BLTP3B: variants seen among roughly 807,000 people sequenced by gnomAD.
The protein encoded by BLTP3B is bridge-like lipid transfer protein family member 3B.
At chr12:100,078,042 T>C in the BLTP3B span, among the ~76,000 whole-genome samples, 1 of 152,270 alleles carries the variant, frequency 6.6e-6, no homozygotes, top group South Asian at 2.1e-4. Flanking sequence ...GAATTTCCTA[T>C]TTATGGTTGG....
chr12:100,093,940 T>G, the BLTP3B span, among the ~76,000 whole-genome samples: 21 of 152,192 alleles, frequency 1.4e-4, no homozygotes, highest in African/African-American at 5.1e-4. Context: ...TATGTCTGCC[T>G]GTGAACTGCT....
At chr12:100,124,974 A>ATATATATT in the BLTP3B span, among the ~76,000 whole-genome samples, 299 of 100,154 alleles carry the variant, frequency 3.0e-3, 1 homozygote, top group African/African-American at 0.014. Context: ...ATATATATAT[A>ATATATATT]TATATTTATA....
chr12:100,101,825 ACAGAGTCTCT>A, the BLTP3B span, among the ~76,000 whole-genome samples: 1 of 152,164 alleles, frequency 6.6e-6, no homozygotes, highest in Non-Finnish European at 1.5e-5. Flanking sequence ...TGTTTTTGAG[ACAGAGTCTCT>A]CTCCATCACC....
chr12:100,060,916 C>T, the BLTP3B span, among the ~76,000 whole-genome samples: 1 of 152,124 alleles, frequency 6.6e-6, no homozygotes, highest in South Asian at 2.1e-4. Flanking sequence ...AACACTGTAA[C>T]AATGTCCTGA....
the BLTP3B span, among the ~76,000 whole-genome samples, chr12:100,088,705 C>A: frequency 5.3e-4 from 80 of 152,196 alleles, 1 homozygote; most frequent in Non-Finnish European, 9.6e-4. Flanking sequence ...TGATAGCTAA[C>A]AAATAATTAA....
At chr12:100,122,455 T>C in the BLTP3B span, among the ~76,000 whole-genome samples, 4 of 152,334 alleles carry the variant, frequency 2.6e-5, no homozygotes, top group South Asian at 8.3e-4. Context: ...CATTCCATTA[T>C]CATACTGATA....
At chr12:100,104,070 T>G in the BLTP3B span, 1 of 604,212 alleles carries the variant, frequency 1.7e-6, no homozygotes, top group Non-Finnish European at 2.6e-6. Context: ...TAAAATCACT[T>G]TTCTTAAACT....
chr12:100,047,962 T>C, the BLTP3B span: 1 of 1,508,044 alleles, frequency 6.6e-7, no homozygotes, highest in East Asian at 2.4e-5. Context: ...TATTTTCGTG[T>C]TAGAAACTTG....
the BLTP3B span, chr12:100,059,709 G>A: frequency 1.8e-6 from 2 of 1,099,348 alleles, no homozygotes; most frequent in Non-Finnish European, 2.5e-6. Context: ...TTGAGTAAAG[G>A]GGACTTACAT....
At chr12:100,078,561 G>A in the BLTP3B span, among the ~76,000 whole-genome samples, 22 of 152,258 alleles carry the variant, frequency 1.4e-4, no homozygotes, top group East Asian at 4.2e-3. Context: ...GAGGGTGGGG[G>A]CTTTGGGTAA....
the BLTP3B span, among the ~76,000 whole-genome samples, chr12:100,092,568 C>A: frequency 6.6e-6 from 1 of 152,144 alleles, no homozygotes; most frequent in East Asian, 1.9e-4. Context: ...GAAAATACCT[C>A]AAAATGGTAG....
chr12:100,136,662 T>G, the BLTP3B span, among the ~76,000 whole-genome samples: 26 of 152,350 alleles, frequency 1.7e-4, no homozygotes, highest in East Asian at 3.7e-3. Flanking sequence ...GCAGACTAAA[T>G]AAGCTACACT....
At chr12:100,038,853 A>G in the BLTP3B span, among the ~76,000 whole-genome samples, 1 of 152,230 alleles carries the variant, frequency 6.6e-6, no homozygotes, top group Non-Finnish European at 1.5e-5. Flanking sequence ...TTAATTTCAA[A>G]TAGTTCTCAA....
At chr12:100,058,567 CCCCATTTT>C in the BLTP3B span, 1 of 1,612,464 alleles carries the variant, frequency 6.2e-7, no homozygotes, top group Non-Finnish European at 8.5e-7. Context: ...GACAAAAAAT[CCCCATTTT>C]CTGTAGGCAA....
At chr12:100,069,235 G>C in the BLTP3B span, among the ~76,000 whole-genome samples, 1 of 151,964 alleles carries the variant, frequency 6.6e-6, no homozygotes, top group Non-Finnish European at 1.5e-5. Context: ...GGCACTAAAA[G>C]TAGAACTACC....
At chr12:100,132,039 G>A in the BLTP3B span, among the ~76,000 whole-genome samples, 5 of 152,106 alleles carry the variant, frequency 3.3e-5, no homozygotes, top group African/African-American at 4.8e-5. Context: ...TGATCTACCC[G>A]CCTTGGCCTC....
At chr12:100,106,755 TA>T in the BLTP3B span, among the ~76,000 whole-genome samples, 5 of 151,772 alleles carry the variant, frequency 3.3e-5, no homozygotes, top group Non-Finnish European at 7.4e-5. Flanking sequence ...GCTATTGAAA[TA>T]AAAAAAAATT....
At chr12:100,072,862 C>T in the BLTP3B span, 1 of 1,535,070 alleles carries the variant, frequency 6.5e-7, no homozygotes, top group Non-Finnish European at 8.7e-7. Flanking sequence ...AAAAACCTTT[C>T]CAAATAATTT....
the BLTP3B span, among the ~76,000 whole-genome samples, chr12:100,047,061 A>C: frequency 6.6e-6 from 1 of 152,190 alleles, no homozygotes; most frequent in Non-Finnish European, 1.5e-5. Context: ...TATATAGATG[A>C]TACTTTATTA....
Sources: gnomAD v4.1 joint callset for allele counts (sites outside exome capture counted in the v4.1 genomes callset) on GRCh38, gnomAD v4.1.1 for gene constraint, MANE v1.5 for transcripts, NCBI Gene and HGNC (gene_info 2026-07-23, HGNC 2026-07-21) for gene names.